EVC2: variants seen among roughly 807,000 people sequenced by gnomAD.
EVC2 encodes EvC ciliary complex subunit 2.
EVC2 carries 148 observed loss-of-function variants against 149.3 expected under a neutral mutation model. That is an observed-to-expected ratio of 0.99 (90% CI 0.87 to 1.14). The LOEUF (loss-of-function observed/expected upper bound fraction) is 1.14. EVC2 is among the 50% of genes most tolerant of loss of function. The pLI, the probability that EVC2 is intolerant of heterozygous loss-of-function variation, is 0.00. For missense variants in EVC2, 1,854 were observed against 1,627.3 expected, an observed-to-expected ratio of 1.14 and a Z score of -2.40; for synonymous variants, 776 against 649.9, an observed-to-expected ratio of 1.19 and a Z score of -2.95.
rs35334619 is a variant in EVC2, at chr4:5,650,671, A to AGAGAGAGAGAGAGAGAGAGAGC, written c.1146-9834_1146-9833insGCTCTCTCTCTCTCTCTCTCTC. ...GAGAGAGAGAGAGAGAGAGAGAGAG[A>AGAGAGAGAGAGAGAGAGAGAGC]GCCATTTAATCATCACAAAAAAATC... is the stretch of plus-strand genomic sequence containing the variant. On this transcript the variant is annotated intron_variant, in intron 9 of 21. Coordinates refer to ENST00000344408, the MANE Select transcript of EVC2 (RefSeq NM_147127.5). Among the ~76,000 whole-genome samples the AGAGAGAGAGAGAGAGAGAGAGC allele has an allele frequency of 7.4e-4, 76 of 102,314 alleles. 2 individuals are homozygous for AGAGAGAGAGAGAGAGAGAGAGC. The highest frequency in any genetic ancestry group is 1.2e-3 in the East Asian group (3 of 2,512). The allele number at this position is 102,314 out of a possible 152,430, so 67.1% of individuals were successfully genotyped here.
Position 5,595,218 on chromosome 4 carries a change from T to C in EVC2, c.2830-10368A>G, listed in dbSNP as rs549865132. Reference sequence around the variant, plus strand: ...ATTCAGATTCAGGAAATACAGAGAATGCCACAAAGATACTCCTCGAGAAGA... The same window carrying C: ...ATTCAGATTCAGGAAATACAGAGAACGCCACAAAGATACTCCTCGAGAAGA... On this transcript the variant is annotated intron_variant, in intron 16 of 21. Coordinates refer to ENST00000344408, the MANE Select transcript of EVC2 (RefSeq NM_147127.5). 1.4e-4 allele frequency among the ~76,000 whole-genome samples: 21 copies of C among 151,998 alleles called. No homozygotes were observed. The East Asian group carries it at 1.7e-3, about 13-fold the overall frequency.
intron 21 of EVC2, among the ~76,000 whole-genome samples, chr4:5,546,607 C>T (rs531505863): frequency 3.9e-5 from 6 of 152,016 alleles, no homozygotes; most frequent in African/African-American, 1.4e-4. Context: ...GGAGATATAC[C>T]TAATGCTAAA....
chr4:5,673,833 C>A (rs1033995862), intron 7 of EVC2, among the ~76,000 whole-genome samples: 2 of 152,164 alleles, frequency 1.3e-5, no homozygotes, highest in African/African-American at 2.4e-5. Flanking sequence ...TTGTGGATGG[C>A]GAGATGTGAA....
In EVC2 at chr4:5,636,526, T is replaced by C. The variant is rs1419837999; in HGVS notation, c.1470+3988A>G. ...ATTTATAACTACATAACATTTACATTGTATTAGGTATTACAAGTAACAGAG... is the reference window on the plus strand; with the variant it reads ...ATTTATAACTACATAACATTTACATCGTATTAGGTATTACAAGTAACAGAG... On this transcript the variant is annotated intron_variant, in intron 10 of 21. Transcript: ENST00000344408. This position sits in a 1 kb window ranked among gnomAD's most constrained non-coding sequence, Gnocchi z 4.6. Among the ~76,000 whole-genome samples, 1 of 152,240 alleles carries C rather than the reference T, an allele frequency of 6.6e-6. No homozygotes were observed. Among genetic ancestry groups the C allele is most frequent in the East Asian group, 1.9e-4 (1 of 5,196 alleles).
intron 7 of EVC2, among the ~76,000 whole-genome samples, chr4:5,674,939 G>A (rs1426085987): frequency 6.6e-6 from 1 of 152,184 alleles, no homozygotes; most frequent in Non-Finnish European, 1.5e-5. Context: ...TGTCCACGGA[G>A]AAGGCAAAAA....
intron 1 of EVC2, among the ~76,000 whole-genome samples, chr4:5,702,727 C>A (rs1032402614): frequency 6.6e-6 from 1 of 152,156 alleles, no homozygotes; most frequent in Non-Finnish European, 1.5e-5. Context: ...ATGATAAATT[C>A]GCACAGAAAT....
At chr4:5,532,362 G>A in the EVC2 span, among the ~76,000 whole-genome samples, 1 of 152,142 alleles carries the variant, frequency 6.6e-6, no homozygotes, top group South Asian at 2.1e-4. Context: ...CAACTTAGAT[G>A]TTAATCTCAT....
chr4:5,638,220 C>A (rs956280061), intron 10 of EVC2, among the ~76,000 whole-genome samples: 12 of 152,036 alleles, frequency 7.9e-5, no homozygotes, highest in African/African-American at 2.9e-4. Context: ...AAAACCCTGT[C>A]TCTACTAAAA....
At chr4:5,660,231 CCT>C (rs1373246411) in intron 9 of EVC2, among the ~76,000 whole-genome samples, 1 of 152,172 alleles carries the variant, frequency 6.6e-6, no homozygotes, top group Admixed American at 6.5e-5. Context: ...ATTAACAAGC[CCT>C]GACTCCCCTC....
intron 7 of EVC2, among the ~76,000 whole-genome samples, chr4:5,665,902 AGCCGCAC>A (rs1345890496): frequency 6.6e-6 from 1 of 152,196 alleles, no homozygotes; most frequent in Admixed American, 6.5e-5. Context: ...AGCACCATCC[AGCCGCAC>A]GCCTAGCACA....
downstream of EVC2, among the ~76,000 whole-genome samples, chr4:5,561,269 C>G (rs912273862): frequency 2.6e-5 from 4 of 152,096 alleles, no homozygotes; most frequent in Non-Finnish European, 5.9e-5. Flanking sequence ...GAACTTATGG[C>G]CCTTAAGTAG....
chr4:5,581,746 CT>C (rs1160894651), intron 17 of EVC2, among the ~76,000 whole-genome samples: 1 of 152,194 alleles, frequency 6.6e-6, no homozygotes, highest in Admixed American at 6.5e-5. Context: ...TTTCAGAGAA[CT>C]TCACGGCAGC....
intron 10 of EVC2, among the ~76,000 whole-genome samples, chr4:5,632,786 T>TC (rs1716645285): frequency 6.6e-6 from 1 of 151,896 alleles, no homozygotes; most frequent in Non-Finnish European, 1.5e-5. Context: ...GCATACGGCC[T>TC]CCCCCCAATT....
chr4:5,618,486 C>G lies in EVC2; in HGVS notation c.2698G>C (p.Glu900Gln). ...TGACAGGTCCATCCTACCTGCAGCT[C>G]AGGGGCAGCCACGGCCTGGTCCAGC... ...VKLDQAVAAPELQQQSKVRKS... is the reference protein window; with the variant it reads ...VKLDQAVAAPQLQQQSKVRKS... Residue 900 changes from glutamate to glutamine, a missense_variant, in exon 15 of 22, where the codon GAG becomes CAG. Transcript: ENST00000344408. The surrounding 1 kb of genome is among the most constrained non-coding windows in gnomAD (Gnocchi z 4.4). The G allele has an allele frequency of 6.2e-7, 1 of 1,612,984 alleles. No individual in the cohort carries two copies. Among genetic ancestry groups the G allele is most frequent in the Non-Finnish European group, 8.5e-7 (1 of 1,180,030 alleles).
intron 16 of EVC2, among the ~76,000 whole-genome samples, chr4:5,594,603 TA>T (rs1326030527): frequency 6.6e-6 from 1 of 151,718 alleles, no homozygotes; most frequent in Non-Finnish European, 1.5e-5. Context: ...CAAAAGTAAA[TA>T]AAACCACAAA....
In EVC2 at chr4:5,633,033, G is replaced by C. The variant is rs1344343580; in HGVS notation, c.1471-1001C>G. Among the ~76,000 whole-genome samples the C allele has an allele frequency of 1.3e-5, 2 of 152,170 alleles. No homozygotes were observed. The highest frequency in any genetic ancestry group is 4.8e-5 in the African/African-American group (2 of 41,426). ...TTAAGGTCACTAATCAGTTGACTTTGAATTAATCAAAAGGAAGACTCTCCT... is the reference window on the plus strand; with the variant it reads ...TTAAGGTCACTAATCAGTTGACTTTCAATTAATCAAAAGGAAGACTCTCCT... On this transcript the variant is annotated intron_variant, in intron 10 of 21. Transcript: ENST00000344408. The surrounding 1 kb of genome is among the most constrained non-coding windows in gnomAD (Gnocchi z 4.4).
chr4:5,700,114 T>C (rs1331347127), intron 1 of EVC2, among the ~76,000 whole-genome samples: 1 of 152,176 alleles, frequency 6.6e-6, no homozygotes, highest in Non-Finnish European at 1.5e-5. Context: ...CACTCAGGTA[T>C]GGGTGACAGA....
chr4:5,639,883 T>A (rs1717190255), intron 10 of EVC2, among the ~76,000 whole-genome samples: 1 of 152,236 alleles, frequency 6.6e-6, no homozygotes. Context: ...CTGATTTTTT[T>A]ATAAGATTAT....
chr4:5,544,452 T>C (rs1721574878), intron 21 of EVC2, among the ~76,000 whole-genome samples: 1 of 152,178 alleles, frequency 6.6e-6, no homozygotes, highest in South Asian at 2.1e-4. Context: ...GGTGCAATTC[T>C]GTGGAAAGTT....
Sources: gnomAD v4.1 joint callset for allele counts (sites outside exome capture counted in the v4.1 genomes callset) on GRCh38, gnomAD v4.1.1 for gene constraint, Gnocchi (gnomAD v3.1) non-coding constraint, MANE v1.5 for transcripts, NCBI Gene and HGNC (gene_info 2026-07-23, HGNC 2026-07-21) for gene names.